CCDC144A: variants seen among roughly 807,000 people sequenced by gnomAD.
CCDC144A encodes the protein coiled-coil domain-containing protein 144A.
CCDC144A carries 41 observed loss-of-function variants against 143.8 expected under a neutral mutation model. The observed-to-expected ratio is 0.29, with a 90% CI of 0.22 to 0.37. CCDC144A has a LOEUF of 0.37. Among genes scored for constraint, CCDC144A ranks in the 10% least tolerant of loss-of-function variants. CCDC144A has a pLI of 1.00. For synonymous variants in CCDC144A, 242 were observed against 517.9 expected, an observed-to-expected ratio of 0.47 and a Z score of 7.23; for missense variants, 637 against 1,488.8, an observed-to-expected ratio of 0.43 and a Z score of 9.41.
chr17:16,684,986 T>C (rs1454540331), upstream of CCDC144A, among the ~76,000 whole-genome samples: 1 of 152,144 alleles, frequency 6.6e-6, no homozygotes, highest in Non-Finnish European at 1.5e-5. Flanking sequence ...AACCCACCCA[T>C]GTACATGCAT....
At chr17:16,753,427 A>AGTTTTTTGTTGTTGTTGTT (rs1170726022) in intron 12 of CCDC144A, among the ~76,000 whole-genome samples, 9 of 43,482 alleles carry the variant, frequency 2.1e-4, no homozygotes, top group East Asian at 7.7e-4. Context: ...AGTGTTTTGT[A>AGTTTTTTGTTGTTGTTGTT]GTTTTTTTTT....
chr17:16,667,283 AGGGGTTGAGGC>A, the CCDC144A span, among the ~76,000 whole-genome samples: 1 of 121,170 alleles, frequency 8.3e-6, no homozygotes, highest in Non-Finnish European at 1.8e-5. Flanking sequence ...TGAGGGGCTG[AGGGGTTGAGGC>A]GGCTGAGGCG....
At chr17:16,750,448 C>T (rs1914738375) in intron 12 of CCDC144A, among the ~76,000 whole-genome samples, 1 of 146,054 alleles carries the variant, frequency 6.8e-6, no homozygotes. Context: ...AGAAAGAGGT[C>T]AGCTTTTCAC....
At chr17:16,688,998 G>A (rs1910893633), upstream of CCDC144A, among the ~76,000 whole-genome samples, 3 of 152,020 alleles carry the variant, frequency 2.0e-5, no homozygotes, top group South Asian at 6.2e-4. Context: ...GCTTTCTGTG[G>A]GTGAGCAGCG....
At chr17:16,731,159 A>T (rs1913724048) in intron 9 of CCDC144A, 2 of 152,024 alleles carry the variant, frequency 1.3e-5, no homozygotes, top group African/African-American at 4.8e-5. Context: ...CCAAAAAGGG[A>T]TTTTAAAATT....
chr17:16,696,385 A>G (rs528868669), intron 2 of CCDC144A, among the ~76,000 whole-genome samples: 114 of 151,192 alleles, frequency 7.5e-4, no homozygotes, highest in Middle Eastern at 6.8e-3. Context: ...TAATCCCAGC[A>G]TTTTGGGAGG....
chr17:16,756,816 G>A (rs1484519274), intron 12 of CCDC144A, among the ~76,000 whole-genome samples: 1 of 151,968 alleles, frequency 6.6e-6, no homozygotes, highest in Admixed American at 6.5e-5. Context: ...GGTTGAATAT[G>A]GTGCTCTGGC....
chr17:16,683,531 G>C, the CCDC144A span: 5 of 1,546,102 alleles, frequency 3.2e-6, no homozygotes, highest in Non-Finnish European at 4.5e-6. Flanking sequence ...CCGTGAGGAG[G>C]GGCGGCAAGT....
chr17:16,685,537 C>T (rs541024969), upstream of CCDC144A, among the ~76,000 whole-genome samples: 68 of 151,848 alleles, frequency 4.5e-4, no homozygotes, highest in Non-Finnish European at 8.2e-4. Flanking sequence ...CCTGCTACCA[C>T]GCCTGGCTAA....
chr17:16,682,499 A>G, the CCDC144A span, among the ~76,000 whole-genome samples: 137 of 152,122 alleles, frequency 9.0e-4, no homozygotes, highest in African/African-American at 2.4e-3. Flanking sequence ...CAGGAAATTA[A>G]TGACACAAAA....
chr17:16,673,836 TA>T, the CCDC144A span, among the ~76,000 whole-genome samples: 1 of 152,142 alleles, frequency 6.6e-6, no homozygotes, highest in Non-Finnish European at 1.5e-5. Flanking sequence ...TTTTGAGCAT[TA>T]TTTTTTTTAA....
chr17:16,689,369 T>G (rs1472489622), upstream of CCDC144A, among the ~76,000 whole-genome samples: 1 of 152,158 alleles, frequency 6.6e-6, no homozygotes, highest in African/African-American at 2.4e-5. Context: ...CTAATTTTTG[T>G]ATTTTTAGTA....
intron 9 of CCDC144A, among the ~76,000 whole-genome samples, chr17:16,730,051 C>A (rs1597566033): frequency 7.5e-6 from 1 of 132,896 alleles, no homozygotes; most frequent in African/African-American, 2.9e-5. Flanking sequence ...GTTGCCCAGG[C>A]TGGTCTCAAA....
chr17:16,750,376 G>C (rs1914734380), intron 12 of CCDC144A, among the ~76,000 whole-genome samples: 1 of 149,810 alleles, frequency 6.7e-6, no homozygotes, highest in Non-Finnish European at 1.5e-5. Flanking sequence ...GAAGTTCTTG[G>C]CTGAAATTTC....
At chr17:16,758,487 C>T (rs1050786227) in intron 12 of CCDC144A, among the ~76,000 whole-genome samples, 3 of 152,204 alleles carry the variant, frequency 2.0e-5, no homozygotes, top group Non-Finnish European at 4.4e-5. Context: ...GTCTACCACT[C>T]ACCCACCCAG....
At chr17:16,731,568 T>C (rs1913744788) in intron 9 of CCDC144A, 1 of 148,270 alleles carries the variant, frequency 6.7e-6, no homozygotes, top group African/African-American at 2.6e-5. Flanking sequence ...GGGTTACTAG[T>C]AACAGAAACT....
Position 16,732,718 on chromosome 17 carries a change from A to T in CCDC144A, c.2418+52A>T, listed in dbSNP as rs569684698. 6 of 1,344,822 alleles carry T rather than the reference A, an allele frequency of 4.5e-6. No homozygotes were observed. In the African/African-American group the frequency reaches 7.4e-5, roughly 17 times the overall value. The allele number at this position is 1,344,822 out of a possible 1,614,324, so 83.3% of individuals were successfully genotyped here. ...TATTTTTGTATGTGAATATATTTTT[A>T]AAAAACAACTCTGTGCAACTTGGAA... On this transcript the variant is annotated intron_variant, in intron 11 of 16. Transcript: ENST00000399273.
In CCDC144A at chr17:16,708,819, G is replaced by A. The variant is rs368503677; in HGVS notation, c.762G>A (p.Met254Ile). The stretch of plus-strand genomic sequence containing the variant: ...AGAAAACGTCTCAAGAACCAGAAAT[G>A]GCTAAGGATTGCGATAGAGAGGATA... ...QPQKTSQEPE[M>I]AKDCDREDIP... Residue 254 changes from methionine to isoleucine, a missense_variant, in exon 5 of 17, where the codon ATG (methionine) becomes ATA (isoleucine). Physicochemically the swap from Met to Ile is conservative, Grantham distance 10. Transcript: ENST00000399273. 2.2e-5 allele frequency: 36 copies of A among 1,611,634 alleles called. No homozygotes were observed. The Admixed American group carries it at 4.8e-4, about 22-fold the overall frequency.
At chr17:16,750,659 T>A (rs2143315132) in intron 12 of CCDC144A, among the ~76,000 whole-genome samples, 2 of 151,970 alleles carry the variant, frequency 1.3e-5, no homozygotes, top group Admixed American at 1.3e-4. Flanking sequence ...CTCTCTCTCC[T>A]TCTCTTTCAG....
Sources: gnomAD v4.1 joint callset for allele counts (sites outside exome capture counted in the v4.1 genomes callset) on GRCh38, gnomAD v4.1.1 for gene constraint, MANE v1.5 for transcripts, NCBI Gene and HGNC (gene_info 2026-07-23, HGNC 2026-07-21) for gene names.